Variants in LPIN1 observed in about 807,000 individuals in gnomAD.
LPIN1 encodes the protein phosphatidate phosphatase LPIN1.
A neutral mutation model predicts 107.5 loss-of-function variants in LPIN1; 71 were observed. That is an observed-to-expected ratio of 0.66 (90% CI 0.55 to 0.80). The LOEUF is 0.80. LPIN1 is among the 30% of genes least tolerant of loss of function. The pLI, the probability that LPIN1 is intolerant of heterozygous loss-of-function variation, is 0.00. For missense variants in LPIN1, 1,043 were observed against 1,160.6 expected (o/e 0.90, Z 1.47); for synonymous variants, 445 against 452.6 (o/e 0.98, Z 0.21).
At chr2:11,752,432 C>CCTTTTTTT (rs1354955148) in intron 1 of LPIN1, among the ~76,000 whole-genome samples, 1 of 82,666 alleles carries the variant, frequency 1.2e-5, no homozygotes, top group Admixed American at 1.0e-4. Flanking sequence ...GTTCCAAGGC[C>CCTTTTTTT]ATTTTTTTTT....
intron 10 of LPIN1, 81 bp downstream of exon 10, chr2:11,785,157 T>G (rs1486336475): frequency 2.7e-6 from 3 of 1,091,822 alleles, no homozygotes; most frequent in Non-Finnish European, 3.8e-6. Context: ...AAGGAGTGCG[T>G]GTCAAGGCAG....
chr2:11,802,354 G>A lies in LPIN1; in HGVS notation c.1887-553G>A, dbSNP rs11902343. On this transcript the variant is annotated intron_variant, in intron 14 of 20. Coordinates refer to ENST00000674199, the MANE Select transcript of LPIN1 (RefSeq NM_001349206.2). ...TATATTCTGAGCAGGGAAGTAAGGC[G>A]TATTCCTTGCTCATGGGATGACCCT... Among the ~76,000 whole-genome samples the A allele has an allele frequency of 1.7e-3, 264 of 152,312 alleles. 1 individual carries two copies. The highest frequency in any genetic ancestry group is 5.8e-3 in the African/African-American group (240 of 41,560).
At position 11,697,495 on chromosome 2, in the gene LPIN1, A is replaced by G. The variant is rs555814106; in HGVS notation, c.82-16261A>G. ...GGCCTAGAAGCTGGAAGTCTGCCCGAATCTGTGCGTCGTGTCTTGGGAATT... is the reference window on the plus strand; with the variant it reads ...GGCCTAGAAGCTGGAAGTCTGCCCGGATCTGTGCGTCGTGTCTTGGGAATT... On this transcript the variant is annotated intron_variant, in intron 1 of 21. Transcript: ENST00000449576. This position sits in a 1 kb window ranked among gnomAD's most constrained non-coding sequence, Gnocchi z 4.6. Among the ~76,000 whole-genome samples, 1 of 152,292 alleles carries G rather than the reference A, an allele frequency of 6.6e-6. No individual in the cohort carries two copies. Among genetic ancestry groups the G allele is most frequent in the South Asian group, 2.1e-4 (1 of 4,830 alleles).
At chr2:11,677,947 G>T (rs915253140) in intron 1 of LPIN1, among the ~76,000 whole-genome samples, 2 of 152,264 alleles carry the variant, frequency 1.3e-5, no homozygotes, top group Admixed American at 1.3e-4. Flanking sequence ...GGAGGCTGTA[G>T]AACTTATTCA....
intron 1 of LPIN1, among the ~76,000 whole-genome samples, chr2:11,686,627 G>A (rs1205652591): frequency 6.6e-6 from 1 of 152,138 alleles, no homozygotes; most frequent in Non-Finnish European, 1.5e-5. Flanking sequence ...ACCACGGGCA[G>A]AGCACACACC....
rs374715112 is a variant in LPIN1 at position 11,765,504 on chromosome 2, G to C, written c.-9-29G>C. On this transcript the variant is annotated intron_variant, in intron 1 of 20. Transcript: ENST00000674199. The surrounding 1 kb of genome is among the most constrained non-coding windows in gnomAD (Gnocchi z 4.4). Reference sequence around the variant, plus strand: ...TCTTCCTTGGATTAATTGTGTGTCTGTGTGTGTTTTTTTTTGTCTGTTTTC... The same window carrying C: ...TCTTCCTTGGATTAATTGTGTGTCTCTGTGTGTTTTTTTTTGTCTGTTTTC... 1.8e-5 allele frequency: 28 copies of C among 1,543,514 alleles called. No individual in the cohort carries two copies. In the South Asian group the frequency reaches 2.7e-4, roughly 15 times the overall value.
chr2:11,804,996 T>G, intron 16 of LPIN1, 74 bp from the exon 17 acceptor site: 1 of 904,852 alleles, frequency 1.1e-6, no homozygotes, highest in Non-Finnish European at 1.8e-6. Context: ...TTTTTTTTTT[T>G]TTATGAGGCA....
intron 1 of LPIN1, among the ~76,000 whole-genome samples, chr2:11,759,705 C>T (rs1458088182): frequency 6.6e-6 from 1 of 152,162 alleles, no homozygotes; most frequent in East Asian, 1.9e-4. Context: ...GTACACCTCC[C>T]AGACGGGGTG....
At chr2:11,686,258 G>A (rs552607502) in intron 1 of LPIN1, among the ~76,000 whole-genome samples, 8 of 151,754 alleles carry the variant, frequency 5.3e-5, no homozygotes, top group South Asian at 2.1e-4. Flanking sequence ...CCCCGACCCC[G>A]CTTTTGGCAC....
intron 1 of LPIN1, among the ~76,000 whole-genome samples, chr2:11,732,540 G>C (rs1232340979): frequency 6.6e-6 from 1 of 152,220 alleles, no homozygotes; most frequent in Non-Finnish European, 1.5e-5. Flanking sequence ...TGAAGTTGCT[G>C]TAGGATCAAA....
chr2:11,782,691 G>T (rs146833696), intron 8 of LPIN1, among the ~76,000 whole-genome samples, 184 bp downstream of exon 8: 1 of 152,146 alleles, frequency 6.6e-6, no homozygotes, highest in Non-Finnish European at 1.5e-5. Flanking sequence ...TAGGAAATCA[G>T]ACATGAAGAA....
rs1355929178 is a variant in LPIN1 at position 11,682,160 on chromosome 2, G to A, written c.81+4432G>A. ...GGCTTTGGGCCTCTCTCTCCTCTCA[G>A]CGTCCTGGGCTTGCCCCACTCCTCC... is the stretch of plus-strand genomic sequence containing the variant. On this transcript the variant is annotated intron_variant, in intron 1 of 21. Transcript: ENST00000449576. 3.3e-5 allele frequency: 5 copies of A among 152,542 alleles called. No individual in the cohort carries two copies. The South Asian group carries it at 8.3e-4, about 25-fold the overall frequency. The allele number at this position is 152,542 out of a possible 1,614,324, so 9.4% of individuals were successfully genotyped here.
At chr2:11,727,312 G>C (rs539454995) in intron 1 of LPIN1, among the ~76,000 whole-genome samples, 57 of 152,270 alleles carry the variant, frequency 3.7e-4, no homozygotes, top group African/African-American at 1.3e-3. Flanking sequence ...ACATCAGTAT[G>C]GATTTATATA....
upstream of LPIN1, chr2:11,722,218 C>G (rs1229088330): frequency 1.3e-5 from 2 of 152,232 alleles, no homozygotes; most frequent in African/African-American, 4.8e-5. Context: ...AGGTCCTTTT[C>G]ATGGTGATCC....
At chr2:11,789,790 A>G (rs546767164) in intron 12 of LPIN1, among the ~76,000 whole-genome samples, 2 of 152,346 alleles carry the variant, frequency 1.3e-5, no homozygotes, top group East Asian at 3.9e-4. Flanking sequence ...CAATAGCAAT[A>G]TAGCTAAAGG....
chr2:11,742,684 GTC>G (rs1666494151), upstream of LPIN1, among the ~76,000 whole-genome samples: 1 of 152,180 alleles, frequency 6.6e-6, no homozygotes, highest in African/African-American at 2.4e-5. Flanking sequence ...TCGCACCTTG[GTC>G]TCTTTCTTCT....
intron 1 of LPIN1, among the ~76,000 whole-genome samples, chr2:11,708,887 T>C (rs529471084): frequency 1.3e-5 from 2 of 152,262 alleles, no homozygotes; most frequent in African/African-American, 4.8e-5. Flanking sequence ...TGACATTAAG[T>C]ATCTTCTTTA....
chr2:11,793,280 G>A (rs1676101141), intron 13 of LPIN1, among the ~76,000 whole-genome samples: 2 of 152,094 alleles, frequency 1.3e-5, no homozygotes, highest in African/African-American at 4.8e-5. Context: ...CTTCTCTGAC[G>A]TGTCCATGTC....
At chr2:11,750,072 C>T (rs1667559074) in intron 1 of LPIN1, among the ~76,000 whole-genome samples, 1 of 152,186 alleles carries the variant, frequency 6.6e-6, no homozygotes, top group East Asian at 1.9e-4. Context: ...CTGGCACGCA[C>T]TTGTGCCCCC....
Sources: allele counts gnomAD v4.1 joint callset (sites outside exome capture counted in the v4.1 genomes callset), GRCh38; gene constraint gnomAD v4.1.1; non-coding constraint Gnocchi (gnomAD v3.1); transcripts MANE v1.5; gene names NCBI Gene and HGNC (gene_info 2026-07-23, HGNC 2026-07-21).